Variants in ABLIM3 observed in about 807,000 individuals in gnomAD.
ABLIM3 encodes the protein actin-binding LIM protein 3.
A neutral mutation model predicts 109.5 loss-of-function variants in ABLIM3; 61 were observed. The observed-to-expected ratio is 0.56, with a 90% CI of 0.45 to 0.69. The LOEUF (loss-of-function observed/expected upper bound fraction) is 0.69. ABLIM3 is among the 30% of genes least tolerant of loss of function. The pLI is 0.00. For synonymous variants in ABLIM3, 300 were observed against 324.8 expected, an observed-to-expected ratio of 0.92 and a Z score of 0.82; for missense variants, 796 against 889.5, an observed-to-expected ratio of 0.89 and a Z score of 1.34.
chr5:149,152,045 T>C (rs1172554176), intron 2 of ABLIM3, among the ~76,000 whole-genome samples: 1 of 152,188 alleles, frequency 6.6e-6, no homozygotes, highest in Non-Finnish European at 1.5e-5. Context: ...ATTTGAATTA[T>C]TTGCCAACAA....
rs182108335 is a variant in ABLIM3, at chr5:149,239,249, C to A, written c.1046C>A (p.Ser349Ter). The change falls in exon 12 of 24, where the codon TCG becomes TAG. Residue 349 changes from serine to a stop codon, truncating the protein, a stop_gained and splice_region_variant. Transcript: ENST00000309868. LOFTEE classifies it high-confidence loss of function. ...EMLERCGYGE[S>*]LGTLSPYSQD... ...GCCTTCAAACTCTTCACTTCTAAGT[C>A]GCTGGGAACATTATCTCCCTACTCC... 6.2e-7 allele frequency: 1 copy of A among 1,614,022 alleles called. No homozygotes were observed. Among genetic ancestry groups the A allele is most frequent in the Non-Finnish European group, 8.5e-7 (1 of 1,179,940 alleles).
At chr5:149,252,523 A>G (rs1045005585) in intron 22 of ABLIM3, 1 of 553,436 alleles carries the variant, frequency 1.8e-6, no homozygotes, top group Admixed American at 3.2e-5. Context: ...GCACATGGCA[A>G]ATACCTCCAA....
intron 2 of ABLIM3, among the ~76,000 whole-genome samples, chr5:149,169,570 A>T (rs1383581147): frequency 6.6e-6 from 1 of 152,222 alleles, no homozygotes; most frequent in Non-Finnish European, 1.5e-5. Context: ...TCCCTCCCCA[A>T]GTCAGGAAAG....
chr5:149,221,032 G>A (rs571941133), intron 8 of ABLIM3: 4 of 152,332 alleles, frequency 2.6e-5, no homozygotes, highest in Middle Eastern at 3.4e-3. Flanking sequence ...TGAACAATGG[G>A]CATGTGTTAT....
At chr5:149,233,400 T>C (rs1762053265) in intron 10 of ABLIM3, 100 bp downstream of exon 10, 4 of 1,179,302 alleles carry the variant, frequency 3.4e-6, no homozygotes, top group Non-Finnish European at 5.1e-6. Context: ...TTCATCCAGC[T>C]GACATTTGAT....
At chr5:149,174,750 T>C (rs189639649) in intron 2 of ABLIM3, 12 of 152,262 alleles carry the variant, frequency 7.9e-5, no homozygotes, top group Non-Finnish European at 1.5e-4. Context: ...GAGAAGAAAT[T>C]GAGCCCCTTC....
At chr5:149,214,668 A>T (rs576661753) in intron 7 of ABLIM3, among the ~76,000 whole-genome samples, 21 of 152,332 alleles carry the variant, frequency 1.4e-4, no homozygotes, top group African/African-American at 4.8e-4. Context: ...ATCGTCTGGC[A>T]CACTGCAGGC....
intron 10 of ABLIM3, among the ~76,000 whole-genome samples, 165 bp downstream of exon 10, chr5:149,233,465 C>T (rs1478699568): frequency 6.6e-6 from 1 of 152,176 alleles, no homozygotes; most frequent in Non-Finnish European, 1.5e-5. Context: ...CAGTGGGGTA[C>T]AGGGAGGACA....
chr5:149,168,397 C>T (rs775543333), intron 2 of ABLIM3, among the ~76,000 whole-genome samples: 3 of 152,156 alleles, frequency 2.0e-5, no homozygotes, highest in Non-Finnish European at 2.9e-5. Context: ...CAAGTGACAC[C>T]ATCACATGCT....
chr5:149,220,875 C>G (rs1253736908), intron 8 of ABLIM3: 1 of 152,204 alleles, frequency 6.6e-6, no homozygotes, highest in Non-Finnish European at 1.5e-5. Flanking sequence ...AGGCTCTCTG[C>G]TACATGTTGG....
chr5:149,195,626 A>G (rs1390112165), intron 3 of ABLIM3, among the ~76,000 whole-genome samples: 1 of 152,142 alleles, frequency 6.6e-6, no homozygotes, highest in Non-Finnish European at 1.5e-5. Context: ...AAGGAGAGAA[A>G]AAAAAAAGGG....
chr5:149,249,208 A>G (rs1382352134), intron 18 of ABLIM3, among the ~76,000 whole-genome samples: 1 of 152,178 alleles, frequency 6.6e-6, no homozygotes, highest in Non-Finnish European at 1.5e-5. Context: ...CCCATACTAC[A>G]CCTTGACTCT....
chr5:149,192,161 A>G (rs1427524033), intron 3 of ABLIM3, among the ~76,000 whole-genome samples: 2 of 152,134 alleles, frequency 1.3e-5, no homozygotes, highest in Non-Finnish European at 2.9e-5. Flanking sequence ...TTTGGCCTGG[A>G]GGGTCCTAGA....
rs200868566 is a variant in ABLIM3, at chr5:149,246,529, G to C, written c.1534G>C (p.Asp512His). 377 of 1,614,036 alleles carry C rather than the reference G, an allele frequency of 2.3e-4. No individual in the cohort carries two copies. The highest frequency in any genetic ancestry group is 3.5e-5 in the Non-Finnish European group (41 of 1,179,978). The change falls in exon 17 of 24, where the codon GAC (aspartate) becomes CAC (histidine). Residue 512 changes from aspartate (D) to histidine (H), a missense_variant. By Grantham distance (81) the Asp-to-His change is moderately conservative. Transcript: ENST00000309868. ...GTCTGGAGGAGAGGAGGATGATTTT[G>C]ACCGCAGCATGCACAAGGTGGGCAG... is the stretch of plus-strand genomic sequence containing the variant. ...FSSGGEEDDFDRSMHKLQSGI... is the reference protein window; with the variant it reads ...FSSGGEEDDFHRSMHKLQSGI...
chr5:149,146,230 A>T (rs1249316085), intron 2 of ABLIM3, among the ~76,000 whole-genome samples: 1 of 152,168 alleles, frequency 6.6e-6, no homozygotes, highest in Non-Finnish European at 1.5e-5. Context: ...TGTCAGATGC[A>T]TAGCTTTCAA....
chr5:149,183,548 T>C lies in ABLIM3; in HGVS notation c.110T>C (p.Val37Ala). The C allele has an allele frequency of 6.3e-7, 1 of 1,593,328 alleles. No individual in the cohort carries two copies. Among genetic ancestry groups the C allele is most frequent in the Non-Finnish European group, 8.5e-7 (1 of 1,170,532 alleles). ...GDTCKGEVVR[V>A]HNNHFHIRCF... ...ACCTGCAAAGGGGAAGTGGTCCGCG[T>C]GCACAACAACCACTTCCACATCAGA... The change falls in exon 3 of 24, where the codon GTG becomes GCG. Residue 37 changes from valine to alanine, a missense_variant. Physicochemically the swap from Val to Ala is moderately conservative, Grantham distance 64. Coordinates refer to ENST00000309868, the MANE Select transcript of ABLIM3 (RefSeq NM_014945.5).
At chr5:149,151,779 T>C (rs1292596540) in intron 2 of ABLIM3, among the ~76,000 whole-genome samples, 1 of 152,236 alleles carries the variant, frequency 6.6e-6, no homozygotes, top group Non-Finnish European at 1.5e-5. Flanking sequence ...GGGAAGTTAG[T>C]CATGACATTC....
chr5:149,225,955 A>AT (rs61230321), intron 8 of ABLIM3, among the ~76,000 whole-genome samples: 19 of 103,528 alleles, frequency 1.8e-4, no homozygotes, highest in African/African-American at 5.8e-4. Flanking sequence ...GTATGTATAT[A>AT]ATATGTGTGT....
At chr5:149,206,866 C>G (rs1759027647) in intron 5 of ABLIM3, 142 bp from the exon 6 acceptor site, 7 of 1,087,636 alleles carry the variant, frequency 6.4e-6, no homozygotes, top group Admixed American at 7.2e-5. Context: ...CCTGGGAGAG[C>G]CTCTGGGAAG....
Sources: gnomAD v4.1 joint callset for allele counts (sites outside exome capture counted in the v4.1 genomes callset) on GRCh38, gnomAD v4.1.1 for gene constraint, MANE v1.5 for transcripts, NCBI Gene and HGNC (gene_info 2026-07-23, HGNC 2026-07-21) for gene names.